Variants in GRXCR1 observed in about 807,000 individuals in gnomAD.
GRXCR1 encodes the protein glutaredoxin domain-containing cysteine-rich protein 1.
GRXCR1 carries 27 observed loss-of-function variants against 27.3 expected under a neutral mutation model. The ratio of observed to expected loss-of-function variants is 0.99; its 90% CI spans 0.73 to 1.37. GRXCR1 has a LOEUF of 1.37. GRXCR1 is among the 40% of genes most tolerant of loss of function. The probability of loss-of-function intolerance (pLI) is 0.00; values close to 1 mark genes in which losing one functional copy is unlikely to be tolerated. For synonymous variants in GRXCR1, 122 were observed against 131.1 expected, an observed-to-expected ratio of 0.93 and a Z score of 0.47; for missense variants, 379 against 354.4, an observed-to-expected ratio of 1.07 and a Z score of -0.56.
intron 1 of GRXCR1, among the ~76,000 whole-genome samples, chr4:42,919,738 G>T (rs1746966564): frequency 6.6e-6 from 1 of 152,004 alleles, no homozygotes; most frequent in South Asian, 2.1e-4. Flanking sequence ...TGTGTTACAT[G>T]CTGGGGAAAA....
chr4:42,919,319 C>T (rs1198344489), intron 1 of GRXCR1, among the ~76,000 whole-genome samples: 1 of 152,068 alleles, frequency 6.6e-6, no homozygotes, highest in African/African-American at 2.4e-5. Flanking sequence ...CATATCTACT[C>T]TTTTATTGTT....
chr4:42,933,938 C>T lies in GRXCR1; in HGVS notation c.385-28954C>T, dbSNP rs558165211. Among the ~76,000 whole-genome samples the T allele has an allele frequency of 2.5e-4, 38 of 151,918 alleles. No homozygotes were observed. The South Asian group carries it at 6.5e-3, about 26-fold the overall frequency. On this transcript the variant is annotated intron_variant, in intron 1 of 3. Coordinates refer to ENST00000399770, the MANE Select transcript of GRXCR1 (RefSeq NM_001080476.3). ...GAAAGGGGAAGTAAAGAGCAGGGCA[C>T]GCCACTCCACCTCCTTCCCCCAAGT... is the stretch of plus-strand genomic sequence containing the variant.
At chr4:43,015,181 T>C (rs1712893551) in intron 2 of GRXCR1, among the ~76,000 whole-genome samples, 2 of 152,172 alleles carry the variant, frequency 1.3e-5, no homozygotes, top group African/African-American at 4.8e-5. Context: ...AAGCTTATTA[T>C]ATCAAAAGAC....
At chr4:42,988,557 G>A (rs1290483548) in intron 2 of GRXCR1, among the ~76,000 whole-genome samples, 1 of 152,158 alleles carries the variant, frequency 6.6e-6, no homozygotes, top group Non-Finnish European at 1.5e-5. Flanking sequence ...TGGAATAAAA[G>A]TAGAATTAAA....
intron 3 of GRXCR1, 87 bp downstream of exon 3, chr4:43,020,506 T>G: frequency 1.2e-6 from 1 of 843,144 alleles, no homozygotes; most frequent in South Asian, 1.4e-5. Flanking sequence ...TTGAATTCTC[T>G]CTCCCCATGT....
intron 3 of GRXCR1, among the ~76,000 whole-genome samples, chr4:43,028,466 G>T (rs1713325144): frequency 2.0e-5 from 3 of 152,096 alleles, no homozygotes; most frequent in African/African-American, 4.8e-5. Context: ...CTGGACTCAG[G>T]GTCCCTGCAG....
At chr4:42,953,630 A>AT (rs961062278) in intron 1 of GRXCR1, among the ~76,000 whole-genome samples, 24 of 151,982 alleles carry the variant, frequency 1.6e-4, no homozygotes, top group African/African-American at 4.3e-4. Context: ...GCTGTTGTTG[A>AT]TTTTTTTTAG....
intron 1 of GRXCR1, among the ~76,000 whole-genome samples, chr4:42,932,448 G>A (rs974736551): frequency 1.3e-3 from 5 of 3,770 alleles, no homozygotes; most frequent in Non-Finnish European, 1.6e-3. Flanking sequence ...TTGTTTCACC[G>A]CAGTTTGCCA....
rs144376297 is a variant in GRXCR1, at chr4:42,967,450, T to G, written c.627+4316T>G. Among the ~76,000 whole-genome samples, 1,244 of 152,006 alleles carry G rather than the reference T, an allele frequency of 8.2e-3. 16 individuals carry two copies. The highest frequency in any genetic ancestry group is 0.028 in the African/African-American group (1,173 of 41,384). On this transcript the variant is annotated intron_variant, in intron 2 of 3. Coordinates refer to ENST00000399770, the MANE Select transcript of GRXCR1 (RefSeq NM_001080476.3). ...TATTCTTTTACTAACTTAATCCAAA[T>G]TTTTTGGAAATATTTCTTTTATATC...
intron 2 of GRXCR1, among the ~76,000 whole-genome samples, chr4:42,970,020 G>T (rs564773154): frequency 3.3e-5 from 5 of 152,232 alleles, no homozygotes; most frequent in Non-Finnish European, 7.4e-5. Context: ...GGGACTACAG[G>T]CCACATGCAA....
chr4:42,927,815 T>TA (rs1747208505), intron 1 of GRXCR1, among the ~76,000 whole-genome samples: 1 of 151,828 alleles, frequency 6.6e-6, no homozygotes, highest in Admixed American at 6.6e-5. Context: ...CCATTAAGGG[T>TA]AAATGTTTTA....
chr4:43,028,256 A>G (rs537381981), intron 3 of GRXCR1, among the ~76,000 whole-genome samples: 8 of 152,360 alleles, frequency 5.3e-5, no homozygotes, highest in African/African-American at 7.2e-5. Context: ...TTACATTTAA[A>G]TATCAGATAA....
At chr4:42,959,001 A>G (rs1007357312) in intron 1 of GRXCR1, among the ~76,000 whole-genome samples, 1 of 151,976 alleles carries the variant, frequency 6.6e-6, no homozygotes, top group Admixed American at 6.6e-5. Context: ...CATTATGAAC[A>G]TTATGAATAT....
chr4:42,960,314 A>G (rs981292660), intron 1 of GRXCR1, among the ~76,000 whole-genome samples: 2 of 151,990 alleles, frequency 1.3e-5, no homozygotes, highest in African/African-American at 2.4e-5. Context: ...GGAAAAATGC[A>G]TAATTACACA....
At chr4:42,897,840 T>G (rs971389703) in intron 1 of GRXCR1, among the ~76,000 whole-genome samples, 2 of 151,670 alleles carry the variant, frequency 1.3e-5, no homozygotes, top group Non-Finnish European at 2.9e-5. Flanking sequence ...AATGTTATTT[T>G]GCATTTTACA....
chr4:42,992,868 C>T (rs1249489147), intron 2 of GRXCR1, among the ~76,000 whole-genome samples: 1 of 152,030 alleles, frequency 6.6e-6, no homozygotes, highest in African/African-American at 2.4e-5. Context: ...TTTTGTAGTT[C>T]CTTTAGTTTA....
chr4:42,986,257 A>G (rs962252785), intron 2 of GRXCR1, among the ~76,000 whole-genome samples: 4 of 152,230 alleles, frequency 2.6e-5, no homozygotes, highest in African/African-American at 9.6e-5. Flanking sequence ...AATAAATAAA[A>G]TGAATGAAAT....
At chr4:42,971,680 C>T (rs898809002) in intron 2 of GRXCR1, among the ~76,000 whole-genome samples, 29 of 152,008 alleles carry the variant, frequency 1.9e-4, no homozygotes, top group African/African-American at 6.8e-4. Flanking sequence ...TCACCTCCCA[C>T]CAGGTCCCTC....
Position 42,961,074 on chromosome 4 carries a change from C to T in GRXCR1, c.385-1818C>T, listed in dbSNP as rs936747530. ...GTCCACATCCTCTCTTTGTTCACTT[C>T]CCACTTATAAGTGAGAAGATGTGGT... On this transcript the variant is annotated intron_variant, in intron 1 of 3. Coordinates refer to ENST00000399770, the MANE Select transcript of GRXCR1 (RefSeq NM_001080476.3). 4.6e-5 allele frequency among the ~76,000 whole-genome samples: 7 copies of T among 151,874 alleles called. No homozygotes were observed. In the East Asian group the frequency reaches 1.4e-3, roughly 29 times the overall value.
Sources: gnomAD v4.1 joint callset for allele counts (sites outside exome capture counted in the v4.1 genomes callset) on GRCh38, gnomAD v4.1.1 for gene constraint, MANE v1.5 for transcripts, NCBI Gene and HGNC (gene_info 2026-07-23, HGNC 2026-07-21) for gene names.